Variants in FGD4 observed in about 807,000 individuals in gnomAD.
FGD4 encodes the protein FYVE, RhoGEF and PH domain containing 4.
Under a neutral mutation model 102.0 loss-of-function variants are expected in FGD4, and 42 were observed. The ratio of observed to expected loss-of-function variants is 0.41; its 90% CI spans 0.32 to 0.53. FGD4 has a LOEUF of 0.53. FGD4 is among the 20% of genes least tolerant of loss of function. The probability of loss-of-function intolerance (pLI) is 0.21; values close to 1 mark genes in which losing one functional copy is unlikely to be tolerated. For synonymous variants in FGD4, 380 were observed against 375.7 expected (o/e 1.01, Z -0.13); for missense variants, 902 against 1,078.2 (o/e 0.84, Z 2.29).
At chr12:32,633,794 C>A in intron 15 of FGD4, 105 bp downstream of exon 15, 1 of 1,013,496 alleles carries the variant, frequency 9.9e-7, no homozygotes, top group Non-Finnish European at 1.4e-6. Context: ...CAGCTCACTG[C>A]AACCTCAGCC....
At chr12:32,459,208 T>G (rs904729488) in intron 1 of FGD4, among the ~76,000 whole-genome samples, 1 of 148,866 alleles carries the variant, frequency 6.7e-6, no homozygotes, top group Non-Finnish European at 1.5e-5. Flanking sequence ...TTTTTTTTTT[T>G]TGAGACAGAG....
rs189099416 is a variant in FGD4 at position 32,429,214 on chromosome 12, A to C, written c.166+29255A>C. The stretch of plus-strand genomic sequence containing the variant: ...GACCTTCGGATGGGGTTTCTATGTG[A>C]ACATCTTTTTTGTTGATGTTGATGC... On this transcript the variant is annotated intron_variant, in intron 1 of 16. Coordinates refer to ENST00000534526, the MANE Select transcript of FGD4 (RefSeq NM_001370298.3). Among the ~76,000 whole-genome samples the C allele has an allele frequency of 7.2e-5, 11 of 152,228 alleles. No individual in the cohort carries two copies. The East Asian group carries it at 2.1e-3, about 29-fold the overall frequency.
intron 1 of FGD4, among the ~76,000 whole-genome samples, chr12:32,519,154 G>A (rs914989841): frequency 1.7e-5 from 2 of 121,036 alleles, no homozygotes; most frequent in East Asian, 2.4e-4. Flanking sequence ...CCTCCCCACC[G>A]CCGCCCCCAC....
intron 1 of FGD4, among the ~76,000 whole-genome samples, chr12:32,559,284 GC>G (rs753122075): frequency 2.0e-5 from 3 of 152,166 alleles, no homozygotes; most frequent in Non-Finnish European, 4.4e-5. Context: ...ATGAAAGGGT[GC>G]TTCTTTTAGG....
intron 1 of FGD4, among the ~76,000 whole-genome samples, chr12:32,501,216 T>G (rs1368663939): frequency 1.3e-5 from 2 of 152,250 alleles, no homozygotes; most frequent in African/African-American, 2.4e-5. Context: ...CACACCTGGC[T>G]AATTTTTAAA....
At chr12:32,592,078 A>G (rs1385689398) in intron 4 of FGD4, among the ~76,000 whole-genome samples, 1 of 151,646 alleles carries the variant, frequency 6.6e-6, no homozygotes, top group Non-Finnish European at 1.5e-5. Flanking sequence ...AAATTAATAT[A>G]TTTATTTATT....
chr12:32,527,301 A>C (rs1236594496), intron 1 of FGD4, among the ~76,000 whole-genome samples: 1 of 152,220 alleles, frequency 6.6e-6, no homozygotes, highest in Non-Finnish European at 1.5e-5. Context: ...AAGGGTGTCT[A>C]TCAGGGAGCC....
intron 1 of FGD4, among the ~76,000 whole-genome samples, chr12:32,442,561 CTT>C (rs35994170): frequency 8.4e-5 from 9 of 107,108 alleles, no homozygotes; most frequent in African/African-American, 1.5e-4. Flanking sequence ...ATCTTTCATC[CTT>C]TTTTTTTTTT....
chr12:32,412,167 A>T (rs965236573), intron 1 of FGD4, among the ~76,000 whole-genome samples: 3 of 152,178 alleles, frequency 2.0e-5, no homozygotes, highest in Non-Finnish European at 4.4e-5. Flanking sequence ...GAATGAATGG[A>T]TGAGGGAACA....
rs1948478259 is a variant in FGD4 at position 32,602,319 on chromosome 12, T to A, written c.1404+2T>A. 6.2e-7 allele frequency: 1 copy of A among 1,614,012 alleles called. No homozygotes were observed. The highest frequency in any genetic ancestry group is 8.5e-7 in the Non-Finnish European group (1 of 1,179,944). Reference sequence around the variant, plus strand: ...AAATCAGTGGTTGAAGAAATTCAGGTAATAGGACTGTTTTGTTCAAAGCTA... The same window carrying A: ...AAATCAGTGGTTGAAGAAATTCAGGAAATAGGACTGTTTTGTTCAAAGCTA... On this transcript the variant is annotated splice_donor_variant, in intron 7 of 16. Coordinates refer to ENST00000534526, the MANE Select transcript of FGD4 (RefSeq NM_001370298.3). LOFTEE classifies it high-confidence loss of function.
intron 1 of FGD4, among the ~76,000 whole-genome samples, chr12:32,519,344 G>C (rs995440449): frequency 6.6e-6 from 1 of 152,130 alleles, no homozygotes; most frequent in African/African-American, 2.4e-5. Flanking sequence ...ACTATAGACA[G>C]AGCATTTTTG....
chr12:32,473,087 C>T (rs1361987313), intron 1 of FGD4, among the ~76,000 whole-genome samples: 4 of 151,624 alleles, frequency 2.6e-5, no homozygotes, highest in East Asian at 1.9e-4. Flanking sequence ...TCTAACTAAT[C>T]TGTTGGGGAC....
chr12:32,402,921 A>C (rs1255186231), intron 1 of FGD4, among the ~76,000 whole-genome samples: 1 of 152,142 alleles, frequency 6.6e-6, no homozygotes, highest in Non-Finnish European at 1.5e-5. Context: ...TCTTTGACTC[A>C]AATCTGCCTC....
intron 1 of FGD4, among the ~76,000 whole-genome samples, chr12:32,412,583 G>A (rs1405435694): frequency 6.6e-6 from 1 of 152,130 alleles, no homozygotes; most frequent in Non-Finnish European, 1.5e-5. Flanking sequence ...TCAGGACCCG[G>A]CTGGGCAATA....
chr12:32,592,397 A>G (rs1947558111), intron 4 of FGD4, among the ~76,000 whole-genome samples: 2 of 152,082 alleles, frequency 1.3e-5, no homozygotes, highest in South Asian at 2.1e-4. Flanking sequence ...ATTATGTTGA[A>G]AAGTCAAGCT....
At chr12:32,480,850 C>T (rs1397469748) in intron 1 of FGD4, among the ~76,000 whole-genome samples, 7 of 150,266 alleles carry the variant, frequency 4.7e-5, no homozygotes, top group Non-Finnish European at 8.9e-5. Flanking sequence ...ATTGCCCAGG[C>T]TGGAGTGTTG....
intron 1 of FGD4, among the ~76,000 whole-genome samples, chr12:32,443,468 A>C (rs527855651): frequency 1.7e-4 from 25 of 150,866 alleles, no homozygotes; most frequent in African/African-American, 6.1e-4. Context: ...CTCCTGCGTC[A>C]GCCTCCTGAG....
intron 1 of FGD4, among the ~76,000 whole-genome samples, chr12:32,411,474 C>T (rs552749271): frequency 2.0e-5 from 3 of 151,962 alleles, no homozygotes; most frequent in Non-Finnish European, 4.4e-5. Context: ...GCAGAGGTTG[C>T]GGTGAGGCGA....
chr12:32,502,320 T>C (rs1167401524), intron 1 of FGD4: 1 of 985,330 alleles, frequency 1.0e-6, no homozygotes, highest in African/African-American at 1.7e-5. Context: ...CCAAGAGGAA[T>C]AAATTCAGCT....
Sources: allele counts gnomAD v4.1 joint callset (sites outside exome capture counted in the v4.1 genomes callset), GRCh38; gene constraint gnomAD v4.1.1; transcripts MANE v1.5; gene names NCBI Gene and HGNC (gene_info 2026-07-23, HGNC 2026-07-21).